Variants in PPP3CB observed in about 807,000 individuals in gnomAD.
PPP3CB encodes the protein protein phosphatase 3 catalytic subunit beta.
PPP3CB carries 8 observed loss-of-function variants against 66.4 expected under a neutral mutation model. The ratio of observed to expected loss-of-function variants is 0.12; its 90% CI spans 0.07 to 0.22. The LOEUF is 0.22. Ranked by LOEUF, PPP3CB falls within the 10% of genes least tolerant of loss-of-function variation. The probability of loss-of-function intolerance (pLI) is 1.00; values close to 1 mark genes in which losing one functional copy is unlikely to be tolerated. For missense variants in PPP3CB, 319 were observed against 642.5 expected, an observed-to-expected ratio of 0.50 and a Z score of 5.44; for synonymous variants, 208 against 221.2, an observed-to-expected ratio of 0.94 and a Z score of 0.53.
At chr10:73,455,631 C>T (rs755842012) in intron 9 of PPP3CB, among the ~76,000 whole-genome samples, 2 of 152,080 alleles carry the variant, frequency 1.3e-5, no homozygotes, top group African/African-American at 4.8e-5. Flanking sequence ...TGCAGTGGCG[C>T]GATCTCGGCT....
chr10:73,495,778 G>T, intron 1 of PPP3CB, 27 bp downstream of exon 1: 1 of 1,538,492 alleles, frequency 6.5e-7, no homozygotes. Context: ...TTCAGGCCAG[G>T]CCCCCAGGGT....
intron 1 of PPP3CB, among the ~76,000 whole-genome samples, chr10:73,481,175 T>C (rs76643139): frequency 0.072 from 10,769 of 150,402 alleles, 623 homozygotes; most frequent in East Asian, 0.3. Context: ...CTTTTTTTTT[T>C]TTTTTTTAGA....
chr10:73,491,286 C>T (rs1199300156), intron 1 of PPP3CB, among the ~76,000 whole-genome samples: 2 of 151,984 alleles, frequency 1.3e-5, no homozygotes, highest in Admixed American at 1.3e-4. Context: ...GCCTCAGCCT[C>T]CCAAAGTGCT....
intron 12 of PPP3CB, chr10:73,444,396 C>T: frequency 1.7e-6 from 1 of 583,362 alleles, no homozygotes; most frequent in East Asian, 3.1e-5. Context: ...CATTCTGAAA[C>T]TGGGGCTTTT....
chr10:73,491,155 C>T (rs1309700625), intron 1 of PPP3CB, among the ~76,000 whole-genome samples: 3 of 151,590 alleles, frequency 2.0e-5, no homozygotes, highest in Admixed American at 6.6e-5. Context: ...CTCAGCCTCC[C>T]GAGTAGCTGG....
chr10:73,446,688 A>C (rs2056261662), intron 10 of PPP3CB, 115 bp from the exon 11 acceptor site: 2 of 922,326 alleles, frequency 2.2e-6, no homozygotes, highest in Admixed American at 2.0e-5. Context: ...CCCTGCCACC[A>C]GCTTACATGG....
intron 3 of PPP3CB, among the ~76,000 whole-genome samples, chr10:73,475,728 A>G (rs2056774503): frequency 6.6e-6 from 1 of 152,252 alleles, no homozygotes; most frequent in Non-Finnish European, 1.5e-5. Flanking sequence ...TAAACATTAT[A>G]GCAGATGCTA....
chr10:73,444,456 T>C (rs1365766840), intron 12 of PPP3CB: 1 of 902,360 alleles, frequency 1.1e-6, no homozygotes, highest in Non-Finnish European at 1.6e-6. Context: ...TTTCAGACAT[T>C]ATGATATGAG....
At position 73,467,593 on chromosome 10, in the gene PPP3CB, C is replaced by A; in HGVS notation, c.1068G>T (p.Met356Ile). ...SPHPYWLPNFMDVFTWSLPFV... is the reference protein window; with the variant it reads ...SPHPYWLPNFIDVFTWSLPFV... ...ACGGTAAAGACCACGTGAAGACATC[C>A]ATAAAATTAGGCAACCAGTAAGGAT... Residue 356 changes from methionine (M) to isoleucine (I), a missense_variant, in exon 9 of 14, where the codon ATG becomes ATT. Physicochemically the swap from Met to Ile is conservative, Grantham distance 10. Coordinates refer to ENST00000360663, the MANE Select transcript of PPP3CB (RefSeq NM_021132.4). 1 of 1,587,990 alleles carries A rather than the reference C, an allele frequency of 6.3e-7. No homozygotes were observed. The highest frequency in any genetic ancestry group is 1.2e-5 in the South Asian group (1 of 85,766).
chr10:73,490,048 A>C (rs1035456619), intron 1 of PPP3CB, among the ~76,000 whole-genome samples: 1 of 152,218 alleles, frequency 6.6e-6, no homozygotes, highest in African/African-American at 2.4e-5. Context: ...TGCCGGCACT[A>C]CAAGAGAATC....
intron 1 of PPP3CB, among the ~76,000 whole-genome samples, chr10:73,488,173 C>T (rs2057017764): frequency 6.6e-6 from 1 of 152,140 alleles, no homozygotes; most frequent in Non-Finnish European, 1.5e-5. Flanking sequence ...AAATTGAAGT[C>T]TTCAGAATGC....
chr10:73,466,169 T>C (rs192309793), intron 9 of PPP3CB, among the ~76,000 whole-genome samples: 2 of 152,326 alleles, frequency 1.3e-5, no homozygotes, highest in African/African-American at 4.8e-5. Flanking sequence ...ATGACTGTTA[T>C]ATCCACTTAT....
chr10:73,464,651 G>A (rs143966377), intron 9 of PPP3CB, among the ~76,000 whole-genome samples: 79 of 152,230 alleles, frequency 5.2e-4, no homozygotes, highest in African/African-American at 1.5e-3. Flanking sequence ...ATTAATAAAC[G>A]TTTTTGGCAG....
chr10:73,461,932 T>C (rs909297539), intron 9 of PPP3CB, among the ~76,000 whole-genome samples: 2 of 152,096 alleles, frequency 1.3e-5, no homozygotes, highest in African/African-American at 4.8e-5. Flanking sequence ...GTCCTCACGA[T>C]AGTGAGTAAA....
Position 73,457,056 on chromosome 10 carries a change from G to A in PPP3CB, c.1109-2567C>T, listed in dbSNP as rs561074931. On this transcript the variant is annotated intron_variant, in intron 9 of 13. Transcript: ENST00000360663. ...ATATATATTTCAATAAAGCTGTTAC[G>A]ATGTATACCTTAAATATACACAATA... Among the ~76,000 whole-genome samples, 19 of 151,794 alleles carry A rather than the reference G, an allele frequency of 1.3e-4. No individual in the cohort carries two copies. The South Asian group carries it at 1.9e-3, about 15-fold the overall frequency.
In PPP3CB at chr10:73,471,502, G is replaced by T; in HGVS notation, c.635C>A (p.Ser212Ter). Residue 212 changes from serine (S) to a stop codon, truncating the protein, a stop_gained, in exon 5 of 14, where the codon TCA becomes TAA. Transcript: ENST00000360663. LOFTEE classifies it high-confidence loss of function. The part of the protein sequence containing the change: ...QQFLCVHGGL[S>*]PEIHTLDDIR... Reference sequence around the variant, plus strand: ...ATCATCCAGTGTGTGTATTTCTGGTGAAAGTCCACCATGAACACAAAGAAA... The same window carrying T: ...ATCATCCAGTGTGTGTATTTCTGGTTAAAGTCCACCATGAACACAAAGAAA... 1 of 1,611,098 alleles carries T rather than the reference G, an allele frequency of 6.2e-7. No individual in the cohort carries two copies.
At chr10:73,451,139 T>C (rs567783727) in intron 10 of PPP3CB, among the ~76,000 whole-genome samples, 1 of 152,158 alleles carries the variant, frequency 6.6e-6, no homozygotes, top group East Asian at 1.9e-4. Context: ...AGAAGAGGAC[T>C]AAAGCATTAT....
intron 3 of PPP3CB, among the ~76,000 whole-genome samples, 168 bp downstream of exon 3, chr10:73,478,331 A>G (rs1175161126): frequency 6.6e-6 from 1 of 152,222 alleles, no homozygotes; most frequent in Non-Finnish European, 1.5e-5. Flanking sequence ...AATTTATTTG[A>G]ATTGTTTGAA....
At chr10:73,469,009 A>G (rs973972026) in intron 8 of PPP3CB, among the ~76,000 whole-genome samples, 1 of 152,218 alleles carries the variant, frequency 6.6e-6, no homozygotes, top group Non-Finnish European at 1.5e-5. Flanking sequence ...GTACAGACTC[A>G]GGACTACAAA....
Sources: gnomAD v4.1 joint callset for allele counts (sites outside exome capture counted in the v4.1 genomes callset) on GRCh38, gnomAD v4.1.1 for gene constraint, MANE v1.5 for transcripts, NCBI Gene and HGNC (gene_info 2026-07-23, HGNC 2026-07-21) for gene names.